The following RORA variants were observed in gnomAD, a reference collection of about 807,000 sequenced individuals.
RORA encodes the protein nuclear receptor ROR-alpha.
In RORA, 7 loss-of-function variants were observed where a neutral mutation model predicts 69.5. The observed-to-expected ratio is 0.10, with a 90% CI of 0.06 to 0.19. The LOEUF is 0.19. RORA is among the 10% of genes least tolerant of loss of function. The probability of loss-of-function intolerance (pLI) is 1.00; values close to 1 mark genes in which losing one functional copy is unlikely to be tolerated. For synonymous variants in RORA, 261 were observed against 240.8 expected, an observed-to-expected ratio of 1.08 and a Z score of -0.78; for missense variants, 457 against 663.0, an observed-to-expected ratio of 0.69 and a Z score of 3.41.
At chr15:61,160,869 C>A (rs1396428699) in intron 1 of RORA, among the ~76,000 whole-genome samples, 1 of 152,150 alleles carries the variant, frequency 6.6e-6, no homozygotes, top group African/African-American at 2.4e-5. Context: ...CCCAACCAAT[C>A]ATTTGCCCAA....
intron 1 of RORA, among the ~76,000 whole-genome samples, chr15:60,746,761 T>C (rs961925922): frequency 3.3e-5 from 5 of 152,214 alleles, no homozygotes; most frequent in Non-Finnish European, 7.3e-5. Context: ...TCGTCTTGCA[T>C]AGACCACCTC....
At chr15:60,792,315 A>C (rs913084252) in intron 1 of RORA, among the ~76,000 whole-genome samples, 11 of 152,218 alleles carry the variant, frequency 7.2e-5, no homozygotes, top group Non-Finnish European at 1.3e-4. Context: ...AGCATTATAA[A>C]CCATCAAACA....
chr15:61,058,514 G>A (rs1290531370), intron 1 of RORA, among the ~76,000 whole-genome samples: 1 of 152,282 alleles, frequency 6.6e-6, no homozygotes, highest in Middle Eastern at 3.4e-3. Context: ...CCTGGGTTCA[G>A]GTCTGTGATA....
At chr15:60,569,406 G>A (rs1228047604) in intron 2 of RORA, among the ~76,000 whole-genome samples, 1 of 152,048 alleles carries the variant, frequency 6.6e-6, no homozygotes, top group Non-Finnish European at 1.5e-5. Flanking sequence ...TCCAGCCTGT[G>A]AGACCCTGTC....
chr15:60,838,961 T>A lies in RORA; in HGVS notation c.167-160275A>T, dbSNP rs184605136. Among the ~76,000 whole-genome samples, 522 of 151,368 alleles carry A rather than the reference T, an allele frequency of 3.4e-3. 3 individuals are homozygous for A. The highest frequency in any genetic ancestry group is 5.5e-3 in the Admixed American group (83 of 15,212). On this transcript the variant is annotated intron_variant, in intron 1 of 10. Transcript: ENST00000335670. ...TGGAGTGCAGTGGCGCGATCTCTCC[T>A]CACTGCAAGCTCCGCCTCCTGGGTT...
At chr15:61,198,949 C>G (rs1394890746) in intron 1 of RORA, among the ~76,000 whole-genome samples, 1 of 152,166 alleles carries the variant, frequency 6.6e-6, no homozygotes, top group African/African-American at 2.4e-5. Flanking sequence ...TTTGCTGAGG[C>G]TCTTCCCTCC....
chr15:61,199,050 G>C (rs543542105), intron 1 of RORA, among the ~76,000 whole-genome samples: 6 of 152,156 alleles, frequency 3.9e-5, no homozygotes, highest in African/African-American at 1.4e-4. Context: ...TTCTAAAACT[G>C]CCTTCTCTGC....
At chr15:60,615,255 T>C (rs900971763) in intron 2 of RORA, among the ~76,000 whole-genome samples, 2 of 152,174 alleles carry the variant, frequency 1.3e-5, no homozygotes, top group African/African-American at 2.4e-5. Context: ...GGGATATAGA[T>C]AAAGGGGCAC....
intron 3 of RORA, among the ~76,000 whole-genome samples, chr15:60,517,760 T>G (rs1250234522): frequency 6.6e-6 from 1 of 152,214 alleles, no homozygotes; most frequent in Non-Finnish European, 1.5e-5. Context: ...AAATCAGGAA[T>G]GTATTTGTTT....
chr15:60,822,411 G>C lies in RORA; in HGVS notation c.167-143725C>G, dbSNP rs529023874. Among the ~76,000 whole-genome samples, 14 of 152,268 alleles carry C rather than the reference G, an allele frequency of 9.2e-5. No individual in the cohort carries two copies. The South Asian group carries it at 2.7e-3, about 29-fold the overall frequency. On this transcript the variant is annotated intron_variant, in intron 1 of 10. Coordinates refer to ENST00000335670, the MANE Select transcript of RORA (RefSeq NM_134261.3). ...CCACTCTCCCATCCCAGCTTCCCAG[G>C]TCAGGTACAGACAGTCCAACCGTCC...
intron 1 of RORA, among the ~76,000 whole-genome samples, chr15:61,168,899 T>C (rs2079561568): frequency 6.6e-6 from 1 of 152,166 alleles, no homozygotes; most frequent in Admixed American, 6.5e-5. Flanking sequence ...AGATCACTCA[T>C]CTGATCATTT....
Position 60,501,018 on chromosome 15 carries a change from G to C in RORA, c.1235C>G (p.Ser412Cys). ...AATTTCATCTTCAGTCAGGTGCATA[G>C]AACATAAACTCTTTCCAAATTCAAA... ...FVFEFGKSLC[S>C]MHLTEDEIAL... Residue 412 changes from serine to cysteine, a missense_variant, in exon 9 of 11, where the codon TCT becomes TGT. Physicochemically the swap from Ser to Cys is moderately radical, Grantham distance 112. Around this residue, in one of 3 missense-constraint regions of RORA, gnomAD observed 304 missense variants for 447.4 expected, o/e 0.68. Transcript: ENST00000335670. 1 of 1,611,106 alleles carries C rather than the reference G, an allele frequency of 6.2e-7. No homozygotes were observed.
chr15:60,580,263 T>G (rs547239923), intron 2 of RORA, among the ~76,000 whole-genome samples: 25 of 152,304 alleles, frequency 1.6e-4, no homozygotes, highest in Non-Finnish European at 2.6e-4. Context: ...TTAACAGGTC[T>G]AAATTTCATT....
At chr15:60,516,269 A>AT (rs1251962724) in intron 3 of RORA, among the ~76,000 whole-genome samples, 1 of 90,838 alleles carries the variant, frequency 1.1e-5, no homozygotes, top group East Asian at 2.7e-4. Context: ...ATATTTATAT[A>AT]TTTTTTTTGG....
chr15:60,658,352 G>A (rs899387734), intron 2 of RORA, among the ~76,000 whole-genome samples: 2 of 152,132 alleles, frequency 1.3e-5, no homozygotes, highest in Non-Finnish European at 2.9e-5. Flanking sequence ...ACTGTGCCTG[G>A]CCCATTTTCT....
At chr15:60,660,971 T>G (rs542249275) in intron 2 of RORA, among the ~76,000 whole-genome samples, 1 of 151,714 alleles carries the variant, frequency 6.6e-6, no homozygotes, top group Admixed American at 6.6e-5. Context: ...TTCAGACTTG[T>G]GTTTTCCTGG....
chr15:61,071,008 T>A (rs1442021727), intron 1 of RORA, among the ~76,000 whole-genome samples: 2 of 151,670 alleles, frequency 1.3e-5, no homozygotes, highest in African/African-American at 4.9e-5. Context: ...CCATTAGTAA[T>A]CTAACGGACT....
chr15:60,794,984 G>C (rs188654378), intron 1 of RORA, among the ~76,000 whole-genome samples: 1 of 152,130 alleles, frequency 6.6e-6, no homozygotes. Context: ...CTGGACCTTA[G>C]TTGCTAAAAT....
intron 2 of RORA, among the ~76,000 whole-genome samples, chr15:60,617,663 G>C (rs780374349): frequency 6.2e-5 from 5 of 80,394 alleles, no homozygotes; most frequent in African/African-American, 1.3e-4. Flanking sequence ...TACAGACAGA[G>C]AGAGAGAGAG....
Sources: allele counts gnomAD v4.1 joint callset (sites outside exome capture counted in the v4.1 genomes callset), GRCh38; gene constraint gnomAD v4.1.1; regional missense constraint gnomAD v4.1.1; transcripts MANE v1.5; gene names NCBI Gene and HGNC (gene_info 2026-07-23, HGNC 2026-07-21).